The following TRIM2 variants were observed in gnomAD, a reference collection of about 807,000 sequenced individuals.
TRIM2 encodes the protein tripartite motif containing 2, also known as tripartite motif-containing protein 2.
A neutral mutation model predicts 75.2 loss-of-function variants in TRIM2; 20 were observed. The observed-to-expected ratio is 0.27, with a 90% CI of 0.19 to 0.39. The LOEUF is 0.39. Among genes scored for constraint, TRIM2 ranks in the 10% least tolerant of loss-of-function variants. TRIM2 has a pLI of 1.00. For missense variants in TRIM2, 660 were observed against 990.8 expected (o/e 0.67, Z 4.48); for synonymous variants, 373 against 388.3 (o/e 0.96, Z 0.46).
intron 2 of TRIM2, among the ~76,000 whole-genome samples, chr4:153,272,481 A>ATTTATTTAT (rs1344098230): frequency 6.7e-6 from 1 of 148,536 alleles, no homozygotes; most frequent in African/African-American, 2.5e-5. Context: ...TATTTTATTA[A>ATTTATTTAT]TTATTTATTA....
At chr4:153,258,183 A>G (rs1752545568) in intron 1 of TRIM2, among the ~76,000 whole-genome samples, 1 of 152,102 alleles carries the variant, frequency 6.6e-6, no homozygotes, top group African/African-American at 2.4e-5. Context: ...CTATTAGAGA[A>G]TCCTGGGGTT....
At chr4:153,244,387 C>T (rs1295235815) in intron 1 of TRIM2, among the ~76,000 whole-genome samples, 1 of 74,526 alleles carries the variant, frequency 1.3e-5, no homozygotes, top group African/African-American at 9.2e-5. Flanking sequence ...TCTTCTTCTT[C>T]TTCTTCTTCT....
intron 1 of TRIM2, among the ~76,000 whole-genome samples, chr4:153,221,880 G>C (rs1740300575): frequency 1.2e-5 from 1 of 84,930 alleles, no homozygotes; most frequent in African/African-American, 4.9e-5. Flanking sequence ...GGAAGGGAAG[G>C]AGGAAGGAAG....
At chr4:153,287,367 A>G (rs1032914994) in intron 3 of TRIM2, among the ~76,000 whole-genome samples, 1 of 152,224 alleles carries the variant, frequency 6.6e-6, no homozygotes, top group African/African-American at 2.4e-5. Context: ...TTTTCAATCC[A>G]ATCTGCCAGT....
chr4:153,189,736 A>G (rs1732993740), intron 1 of TRIM2, among the ~76,000 whole-genome samples: 1 of 152,242 alleles, frequency 6.6e-6, no homozygotes, highest in Admixed American at 6.5e-5. Context: ...TGTCTGGAAC[A>G]CTGTAGCCAC....
intron 6 of TRIM2, among the ~76,000 whole-genome samples, chr4:153,312,685 G>A (rs897255584): frequency 1.1e-4 from 16 of 152,192 alleles, no homozygotes; most frequent in African/African-American, 2.4e-4. Context: ...AATACCATTC[G>A]ACCCAGCCAT....
At chr4:153,300,865 CT>C (rs1027050945) in intron 6 of TRIM2, among the ~76,000 whole-genome samples, 168 of 146,040 alleles carry the variant, frequency 1.2e-3, no homozygotes, top group Middle Eastern at 3.5e-3. Flanking sequence ...GGTTCTTTGC[CT>C]TTTTTTTTTT....
chr4:153,213,844 A>G (rs1431326140), intron 1 of TRIM2, among the ~76,000 whole-genome samples: 1 of 152,172 alleles, frequency 6.6e-6, no homozygotes, highest in Non-Finnish European at 1.5e-5. Flanking sequence ...TATTATTACT[A>G]TTTAACGAAT....
chr4:153,205,988 AG>A (rs1163106416), intron 1 of TRIM2, among the ~76,000 whole-genome samples: 1 of 152,210 alleles, frequency 6.6e-6, no homozygotes, highest in Non-Finnish European at 1.5e-5. Flanking sequence ...TGACTCTGCC[AG>A]TGAACTTTTG....
chr4:153,308,028 T>C, intron 6 of TRIM2: 1 of 773,228 alleles, frequency 1.3e-6, no homozygotes, highest in South Asian at 1.3e-5. Context: ...TTTAACCTCT[T>C]TCTTGATGCT....
chr4:153,261,248 C>T (rs1200415174), intron 1 of TRIM2, among the ~76,000 whole-genome samples: 2 of 152,122 alleles, frequency 1.3e-5, no homozygotes, highest in Non-Finnish European at 2.9e-5. Context: ...ATGGTGACAC[C>T]CTCTCGCTAC....
At chr4:153,166,910 C>T (rs994816128) in intron 1 of TRIM2, among the ~76,000 whole-genome samples, 2 of 152,158 alleles carry the variant, frequency 1.3e-5, no homozygotes, top group Non-Finnish European at 2.9e-5. Flanking sequence ...TTCCACCTCC[C>T]GGGGGTCTGT....
At chr4:153,297,980 C>G (rs980504453) in intron 6 of TRIM2, among the ~76,000 whole-genome samples, 1 of 152,146 alleles carries the variant, frequency 6.6e-6, no homozygotes, top group African/African-American at 2.4e-5. Flanking sequence ...TAATCATCAT[C>G]ACCTCTGATA....
intron 1 of TRIM2, among the ~76,000 whole-genome samples, chr4:153,241,544 A>C (rs1746607385): frequency 6.6e-6 from 1 of 152,194 alleles, no homozygotes; most frequent in Non-Finnish European, 1.5e-5. Flanking sequence ...CACCCACTTA[A>C]GTCAGGAGGG....
At chr4:153,163,813 T>TTTTTTTTTTTTTTTTTTTTTTTTG (rs1458031384) in intron 1 of TRIM2, among the ~76,000 whole-genome samples, 1 of 151,896 alleles carries the variant, frequency 6.6e-6, no homozygotes, top group Non-Finnish European at 1.5e-5. Flanking sequence ...ATTTACATCT[T>TTTTTTTTTTTTTTTTTTTTTTTTG]AAAACGTGCT....
rs1201639188 is a variant in TRIM2, at chr4:153,244,424, TTC to T, written c.31-25909_31-25908del. Among the ~76,000 whole-genome samples, 65 of 110,060 alleles carry T rather than the reference TTC, an allele frequency of 5.9e-4. 8 individuals are homozygous for T. Among genetic ancestry groups the T allele is most frequent in the Non-Finnish European group, 1.0e-3 (56 of 53,466 alleles). The allele number at this position is 110,060 out of a possible 152,430, so 72.2% of individuals were successfully genotyped here. A position where few individuals can be genotyped will look rare whatever the true frequency, so the allele number is the denominator to read the frequency against. On this transcript the variant is annotated intron_variant, in intron 1 of 11. Coordinates refer to ENST00000338700, the MANE Select transcript of TRIM2 (RefSeq NM_015271.5). ...CTTCTTCTTCTTCTTCTTCTTCTTC[TTC>T]TTCTTCTTCTTTTAATTAGAGAGGA...
intron 1 of TRIM2, among the ~76,000 whole-genome samples, chr4:153,218,994 A>AC (rs33910814): frequency 2.0e-4 from 31 of 151,840 alleles, no homozygotes; most frequent in Middle Eastern, 3.4e-3. Context: ...CCTTGTCCTG[A>AC]CCCCCCCCAT....
intron 3 of TRIM2, among the ~76,000 whole-genome samples, chr4:153,280,113 T>G (rs978460023): frequency 2.1e-5 from 2 of 93,926 alleles, no homozygotes; most frequent in Non-Finnish European, 4.2e-5. Flanking sequence ...TCAACTCAAG[T>G]TAGAAAAAGA....
chr4:153,211,648 G>T (rs1192000323), intron 1 of TRIM2, among the ~76,000 whole-genome samples: 1 of 151,664 alleles, frequency 6.6e-6, no homozygotes, highest in Admixed American at 6.6e-5. Flanking sequence ...ACCATGCCTG[G>T]CTAATTATTT....
Sources: allele counts gnomAD v4.1 joint callset (sites outside exome capture counted in the v4.1 genomes callset), GRCh38; gene constraint gnomAD v4.1.1; transcripts MANE v1.5; gene names NCBI Gene and HGNC (gene_info 2026-07-23, HGNC 2026-07-21).